Variants in KIAA1549L observed in about 807,000 individuals in gnomAD.
The protein encoded by KIAA1549L is UPF0606 protein KIAA1549L.
In KIAA1549L, 88 loss-of-function variants were observed where a neutral mutation model predicts 160.7. The ratio of observed to expected loss-of-function variants is 0.55; its 90% CI spans 0.46 to 0.65. The LOEUF (loss-of-function observed/expected upper bound fraction) is 0.65. KIAA1549L is among the 30% of genes least tolerant of loss of function. The pLI, the probability that KIAA1549L is intolerant of heterozygous loss-of-function variation, is 0.00. For synonymous variants in KIAA1549L, 950 were observed against 976.7 expected, an observed-to-expected ratio of 0.97 and a Z score of 0.51; for missense variants, 2,258 against 2,437.5, an observed-to-expected ratio of 0.93 and a Z score of 1.55.
intron 16 of KIAA1549L, among the ~76,000 whole-genome samples, chr11:33,630,645 A>C (rs1851258859): frequency 6.6e-6 from 1 of 152,190 alleles, no homozygotes; most frequent in African/African-American, 2.4e-5. Flanking sequence ...CGGCTCATGC[A>C]TGGTGCGTGC....
chr11:33,391,386 A>T (rs1850270166), intron 1 of KIAA1549L, among the ~76,000 whole-genome samples: 1 of 152,198 alleles, frequency 6.6e-6, no homozygotes, highest in Non-Finnish European at 1.5e-5. Context: ...TGCGGAGTCC[A>T]CGTGGTACCC....
chr11:33,492,017 C>A (rs911191257), intron 1 of KIAA1549L, among the ~76,000 whole-genome samples: 6 of 152,146 alleles, frequency 3.9e-5, no homozygotes, highest in African/African-American at 1.4e-4. Context: ...GGGTTACCAA[C>A]CCTCTCAAAC....
chr11:33,643,452 A>G (rs182294956), intron 16 of KIAA1549L, among the ~76,000 whole-genome samples: 16 of 152,242 alleles, frequency 1.1e-4, no homozygotes, highest in Non-Finnish European at 4.4e-5. Flanking sequence ...AGATCTACCA[A>G]TATGTCTGGA....
chr11:33,419,396 T>C (rs1361020959), intron 1 of KIAA1549L, among the ~76,000 whole-genome samples: 1 of 152,214 alleles, frequency 6.6e-6, no homozygotes. Flanking sequence ...ATGTTGGTGG[T>C]TCTTGGATCC....
intron 11 of KIAA1549L, among the ~76,000 whole-genome samples, chr11:33,590,595 C>T (rs781197443): frequency 2.0e-5 from 3 of 152,154 alleles, no homozygotes; most frequent in Non-Finnish European, 2.9e-5. Context: ...TACTTAAGGG[C>T]GAAGTCTGGA....
At chr11:33,595,173 A>C (rs1208842143) in intron 12 of KIAA1549L, among the ~76,000 whole-genome samples, 10 of 152,192 alleles carry the variant, frequency 6.6e-5, no homozygotes, top group African/African-American at 2.4e-4. Flanking sequence ...TGATGAAACA[A>C]ATACAGATGA....
chr11:33,560,311 G>A (rs1854809890), intron 7 of KIAA1549L, among the ~76,000 whole-genome samples: 1 of 152,164 alleles, frequency 6.6e-6, no homozygotes, highest in African/African-American at 2.4e-5. Context: ...AGTGAGCCAT[G>A]GGACCTGGGT....
At chr11:33,659,585 T>C (rs78457296) in intron 19 of KIAA1549L, among the ~76,000 whole-genome samples, 1,674 of 152,326 alleles carry the variant, frequency 0.011, 9 homozygotes, top group Non-Finnish European at 0.018. Context: ...GGTTTCTTAG[T>C]TTATCCAAAC....
At chr11:33,417,050 T>G (rs1850903019) in intron 1 of KIAA1549L, among the ~76,000 whole-genome samples, 1 of 152,208 alleles carries the variant, frequency 6.6e-6, no homozygotes, top group Non-Finnish European at 1.5e-5. Context: ...ATCTGTGTTG[T>G]CCAATACAGA....
At chr11:33,623,741 C>T (rs530887657) in intron 16 of KIAA1549L, among the ~76,000 whole-genome samples, 37 of 152,128 alleles carry the variant, frequency 2.4e-4, no homozygotes, top group Admixed American at 2.3e-3. Flanking sequence ...GAGAGGGAGG[C>T]GGAGGGGTTT....
Position 33,420,072 on chromosome 11 carries a change from A to G in KIAA1549L, c.238+43183A>G, listed in dbSNP as rs896318220. 2.6e-5 allele frequency among the ~76,000 whole-genome samples: 4 copies of G among 152,188 alleles called. No homozygotes were observed. The East Asian group carries it at 7.7e-4, about 29-fold the overall frequency. Reference sequence around the variant, plus strand: ...GTACACTGGAGCTTTTAGCTGCATAAATTTTACAGTATATCATCTGACACT... The same window carrying G: ...GTACACTGGAGCTTTTAGCTGCATAGATTTTACAGTATATCATCTGACACT... On this transcript the variant is annotated intron_variant, in intron 1 of 20. Coordinates refer to ENST00000658780, the MANE Select transcript of KIAA1549L (RefSeq NM_012194.3).
Position 33,485,608 on chromosome 11 carries a change from A to T in KIAA1549L, c.239-56194A>T, listed in dbSNP as rs146264162. 9.9e-3 allele frequency among the ~76,000 whole-genome samples: 1,509 copies of T among 152,320 alleles called. 25 individuals are homozygous for T. Among genetic ancestry groups the T allele is most frequent in the African/African-American group, 0.034 (1,426 of 41,546 alleles). ...ATGACTAGATAAAGCTAATTAACAT[A>T]TCAGTTACCTCACATTTTTATCATT... is the stretch of plus-strand genomic sequence containing the variant. On this transcript the variant is annotated intron_variant, in intron 1 of 20. Coordinates refer to ENST00000658780, the MANE Select transcript of KIAA1549L (RefSeq NM_012194.3).
chr11:33,600,885 C>T (rs1850340957), intron 13 of KIAA1549L, among the ~76,000 whole-genome samples: 1 of 152,080 alleles, frequency 6.6e-6, no homozygotes, highest in Non-Finnish European at 1.5e-5. Flanking sequence ...TTCCCCTTCC[C>T]TGCAAATAAT....
In KIAA1549L at chr11:33,504,983, T is replaced by C. The variant is rs550422678; in HGVS notation, c.239-36819T>C. Among the ~76,000 whole-genome samples the C allele has an allele frequency of 3.3e-5, 5 of 152,088 alleles. No individual in the cohort carries two copies. In the South Asian group the frequency reaches 8.3e-4, roughly 25 times the overall value. On this transcript the variant is annotated intron_variant, in intron 1 of 20. Coordinates refer to ENST00000658780, the MANE Select transcript of KIAA1549L (RefSeq NM_012194.3). ...GGTTTTGCCATGTTGCCCAAGCTGGTCTCAAACTCCTGGCTCAAGCCATCC... is the reference window on the plus strand; with the variant it reads ...GGTTTTGCCATGTTGCCCAAGCTGGCCTCAAACTCCTGGCTCAAGCCATCC...
At chr11:33,388,853 G>T (rs952319823) in intron 1 of KIAA1549L, among the ~76,000 whole-genome samples, 3 of 151,996 alleles carry the variant, frequency 2.0e-5, no homozygotes, top group African/African-American at 7.3e-5. Context: ...AAAATCATGG[G>T]CCCTTTTAAA....
rs150471239 is a variant in KIAA1549L, at chr11:33,446,806, T to G, written c.238+69917T>G. ...CCTGAAATGTGGTAGCTGGCTTTCC[T>G]TTTGAGCAAGTGATCCAAGTGATCA... On this transcript the variant is annotated intron_variant, in intron 1 of 20. Transcript: ENST00000658780. Among the ~76,000 whole-genome samples the G allele has an allele frequency of 2.8e-4, 43 of 152,270 alleles. No homozygotes were observed. The East Asian group carries it at 7.1e-3, about 25-fold the overall frequency.
At chr11:33,411,900 T>C (rs566153239) in intron 1 of KIAA1549L, among the ~76,000 whole-genome samples, 12 of 148,968 alleles carry the variant, frequency 8.1e-5, no homozygotes, top group African/African-American at 2.7e-4. Context: ...CATGTGAGTC[T>C]TCTCTTGCCT....
chr11:33,407,080 C>CTTTTTT (rs1491483483), intron 1 of KIAA1549L, among the ~76,000 whole-genome samples: 9 of 79,578 alleles, frequency 1.1e-4, no homozygotes, highest in East Asian at 4.4e-4. Context: ...TTTCTTTTTT[C>CTTTTTT]ATTTTTTTTT....
chr11:33,606,886 A>G (rs1850521221), intron 14 of KIAA1549L, 64 bp downstream of exon 14: 16 of 1,388,890 alleles, frequency 1.2e-5, no homozygotes, highest in Non-Finnish European at 1.6e-5. Flanking sequence ...CGGACGAAGG[A>G]ACAACACCTG....
Sources: allele counts gnomAD v4.1 joint callset (sites outside exome capture counted in the v4.1 genomes callset), GRCh38; gene constraint gnomAD v4.1.1; transcripts MANE v1.5; gene names NCBI Gene and HGNC (gene_info 2026-07-23, HGNC 2026-07-21).